Variants in CSMD3 observed in about 807,000 individuals in gnomAD.
The protein encoded by CSMD3 is CUB and Sushi multiple domains 3, also known as CUB and sushi domain-containing protein 3.
In CSMD3, 177 loss-of-function variants were observed where a neutral mutation model predicts 435.2. That is an observed-to-expected ratio of 0.41 (90% confidence interval 0.36 to 0.46). The LOEUF (loss-of-function observed/expected upper bound fraction) is 0.46, where lower values mean the gene tolerates loss of function less well. Ranked by LOEUF, CSMD3 falls within the 20% of genes least tolerant of loss-of-function variation. CSMD3 has a pLI of 0.34. For missense variants in CSMD3, 4,265 were observed against 4,504.6 expected (o/e 0.95, Z 1.52); for synonymous variants, 1,656 against 1,520.5 (o/e 1.09, Z -2.07).
chr8:112,235,692 T>C (rs1813508989), intron 67 of CSMD3, among the ~76,000 whole-genome samples: 1 of 152,152 alleles, frequency 6.6e-6, no homozygotes, highest in Non-Finnish European at 1.5e-5. Context: ...TGTTCACCTA[T>C]GTAATAGGGC....
intron 2 of CSMD3, among the ~76,000 whole-genome samples, chr8:113,293,685 G>T (rs1422553107): frequency 6.6e-6 from 1 of 151,880 alleles, no homozygotes; most frequent in African/African-American, 2.4e-5. Flanking sequence ...TCCTTTACCC[G>T]CTTTCATCTC....
chr8:112,654,188 G>C (rs2131648842), intron 18 of CSMD3, among the ~76,000 whole-genome samples: 1 of 152,198 alleles, frequency 6.6e-6, no homozygotes, highest in Admixed American at 6.5e-5. Context: ...CAAATATATT[G>C]TTAATGTTCT....
intron 59 of CSMD3, among the ~76,000 whole-genome samples, chr8:112,275,169 T>TAA (rs113765413): frequency 8.1e-5 from 12 of 147,902 alleles, no homozygotes; most frequent in Middle Eastern, 3.4e-3. Context: ...CTAACCACAA[T>TAA]AAAAAAAAAA....
chr8:113,200,716 C>A (rs894082703), intron 3 of CSMD3, among the ~76,000 whole-genome samples: 2 of 151,106 alleles, frequency 1.3e-5, no homozygotes, highest in Admixed American at 6.6e-5. Context: ...TCTATTTCTA[C>A]ACTTGCTCCC....
chr8:113,294,760 T>A (rs1217296858), intron 2 of CSMD3, among the ~76,000 whole-genome samples: 1 of 152,032 alleles, frequency 6.6e-6, no homozygotes, highest in Non-Finnish European at 1.5e-5. Flanking sequence ...TGAAAAAAAA[T>A]AAGTTACAGC....
At chr8:112,730,363 G>T (rs2077049610) in intron 13 of CSMD3, among the ~76,000 whole-genome samples, 1 of 152,098 alleles carries the variant, frequency 6.6e-6, no homozygotes, top group Admixed American at 6.6e-5. Context: ...AATTACTGAT[G>T]ATGATAAAGA....
chr8:113,400,970 G>A (rs1313513591), intron 1 of CSMD3, among the ~76,000 whole-genome samples: 1 of 151,774 alleles, frequency 6.6e-6, no homozygotes, highest in African/African-American at 2.4e-5. Flanking sequence ...CATATTTCAA[G>A]TAATTGAGAG....
chr8:112,298,129 C>T (rs1228249534), intron 53 of CSMD3, among the ~76,000 whole-genome samples: 1 of 145,300 alleles, frequency 6.9e-6, no homozygotes, highest in African/African-American at 2.5e-5. Flanking sequence ...GTTCATGGAT[C>T]ACAAGACTCA....
chr8:112,351,116 T>C, intron 40 of CSMD3, 59 bp downstream of exon 40: 2 of 1,026,540 alleles, frequency 1.9e-6, no homozygotes, highest in Middle Eastern at 4.4e-4. Context: ...AAATACTTTA[T>C]AGTCTTTTTT....
At chr8:112,262,774 G>T (rs775293403) in intron 61 of CSMD3, among the ~76,000 whole-genome samples, 2 of 152,074 alleles carry the variant, frequency 1.3e-5, no homozygotes, top group Non-Finnish European at 2.9e-5. Flanking sequence ...ATGAAGGGGT[G>T]AGTAGTAAGA....
intron 4 of CSMD3, among the ~76,000 whole-genome samples, chr8:113,136,998 G>A (rs1256211968): frequency 6.6e-6 from 1 of 151,626 alleles, no homozygotes. Context: ...TATTGAGAAA[G>A]TTTAGTAGGT....
At chr8:112,246,934 GATGTAA>G in intron 64 of CSMD3, 80 bp downstream of exon 64, 1 of 877,164 alleles carries the variant, frequency 1.1e-6, no homozygotes, top group South Asian at 1.4e-5. Context: ...TACACATATA[GATGTAA>G]ATGTATTTGA....
intron 13 of CSMD3, among the ~76,000 whole-genome samples, chr8:112,750,568 G>T (rs1299392964): frequency 2.6e-5 from 4 of 151,992 alleles, no homozygotes; most frequent in South Asian, 4.1e-4. Flanking sequence ...CTGCATAAAA[G>T]ATAAGTATAT....
intron 27 of CSMD3, among the ~76,000 whole-genome samples, chr8:112,529,122 G>C (rs1225578546): frequency 2.6e-5 from 4 of 152,134 alleles, no homozygotes; most frequent in African/African-American, 9.7e-5. Flanking sequence ...TCTCTGAGAA[G>C]AAAAAGAGTT....
intron 6 of CSMD3, among the ~76,000 whole-genome samples, chr8:112,997,813 C>T (rs2085710890): frequency 6.7e-6 from 1 of 150,032 alleles, no homozygotes; most frequent in African/African-American, 2.4e-5. Flanking sequence ...GTAATAGTCC[C>T]CCCAAAATTT....
At chr8:112,406,986 C>T (rs1424004220) in intron 34 of CSMD3, among the ~76,000 whole-genome samples, 5 of 151,604 alleles carry the variant, frequency 3.3e-5, no homozygotes, top group East Asian at 1.9e-4. Context: ...TTTGTTTTAC[C>T]GAACTCATTA....
At chr8:113,139,468 C>A (rs962185748) in intron 4 of CSMD3, among the ~76,000 whole-genome samples, 1 of 150,632 alleles carries the variant, frequency 6.6e-6, no homozygotes, top group Non-Finnish European at 1.5e-5. Context: ...AATGACGGCA[C>A]CATTTTACAT....
intron 1 of CSMD3, among the ~76,000 whole-genome samples, chr8:113,365,437 T>C (rs1342223504): frequency 6.6e-6 from 1 of 152,074 alleles, no homozygotes; most frequent in African/African-American, 2.4e-5. Context: ...TATAATCCTT[T>C]AGAGACAGAG....
chr8:112,295,405 T>C (rs1002755076), intron 54 of CSMD3, among the ~76,000 whole-genome samples: 2 of 152,124 alleles, frequency 1.3e-5, no homozygotes, highest in African/African-American at 4.8e-5. Context: ...GTCATGACAG[T>C]AGTATCATAA....
Sources: gnomAD v4.1 joint callset for allele counts (sites outside exome capture counted in the v4.1 genomes callset) on GRCh38, gnomAD v4.1.1 for gene constraint, MANE v1.5 for transcripts, NCBI Gene and HGNC (gene_info 2026-07-23, HGNC 2026-07-21) for gene names.